The following SNHG17 variants were observed in gnomAD, a reference collection of about 807,000 sequenced individuals.
SNHG17 encodes small nucleolar RNA host gene 17 (non-protein coding).
intron 2 of SNHG17, chr20:38,433,712 G>A: frequency 6.8e-6 from 3 of 440,680 alleles, no homozygotes; most frequent in South Asian, 1.7e-5. Context: ...GGGGGCTGCA[G>A]CTGTGGTTTC....
chr20:38,426,818 C>T (rs1219820562), intron 3 of SNHG17, among the ~76,000 whole-genome samples: 5 of 150,694 alleles, frequency 3.3e-5, no homozygotes, highest in African/African-American at 4.9e-5. Context: ...AGAGAACAGG[C>T]GAAACTCTTG....
At chr20:38,430,419 C>T (rs896775478) in intron 3 of SNHG17, among the ~76,000 whole-genome samples, 4 of 151,988 alleles carry the variant, frequency 2.6e-5, no homozygotes, top group Non-Finnish European at 4.4e-5. Flanking sequence ...TGCCAGAGGT[C>T]AGGAGTTCGC....
At chr20:38,422,076 G>A (rs925800996) in intron 6 of SNHG17, 4 of 152,370 alleles carry the variant, frequency 2.6e-5, no homozygotes, top group Non-Finnish European at 4.4e-5. Context: ...CGGTTCCCCC[G>A]GGGAGCTCAC....
At chr20:38,424,588 G>C (rs2084214027) in intron 5 of SNHG17, among the ~76,000 whole-genome samples, 1 of 152,218 alleles carries the variant, frequency 6.6e-6, no homozygotes, top group African/African-American at 2.4e-5. Context: ...CTACATGTCA[G>C]TTACCAGGCA....
At chr20:38,432,522 A>G (rs551646843) in intron 2 of SNHG17, among the ~76,000 whole-genome samples, 2 of 152,034 alleles carry the variant, frequency 1.3e-5, no homozygotes, top group South Asian at 2.1e-4. Flanking sequence ...CACAATGACA[A>G]TCCTGTGGGG....
chr20:38,420,895 G>A (rs146327332), exon 8 of SNHG17: 1 of 152,318 alleles, frequency 6.6e-6, no homozygotes, highest in African/African-American at 2.4e-5. Context: ...ACACCACCAA[G>A]AGATTCTGAA....
chr20:38,426,643 C>T (rs2084253487), intron 3 of SNHG17: 1 of 151,058 alleles, frequency 6.6e-6, no homozygotes, highest in Admixed American at 6.6e-5. Flanking sequence ...CTTGGTCCTC[C>T]CTCTCTAGCT....
At chr20:38,430,628 T>A (rs984399914) in intron 3 of SNHG17, among the ~76,000 whole-genome samples, 6 of 151,870 alleles carry the variant, frequency 4.0e-5, no homozygotes, top group African/African-American at 1.5e-4. Flanking sequence ...TCTCAAAAAA[T>A]AAATAAATAA....
chr20:38,424,196 A>G (rs897097728), intron 5 of SNHG17, among the ~76,000 whole-genome samples: 5 of 148,774 alleles, frequency 3.4e-5, no homozygotes, highest in Non-Finnish European at 7.5e-5. Context: ...AAAAAAAAAG[A>G]AAAAAAGGAT....
chr20:38,426,997 C>CACACACAT (rs2084260435), intron 3 of SNHG17, among the ~76,000 whole-genome samples: 2 of 112,686 alleles, frequency 1.8e-5, no homozygotes, highest in East Asian at 4.7e-4. Context: ...GTTACACATA[C>CACACACAT]ACACACACAC....
chr20:38,430,402 G>C (rs781394187), intron 3 of SNHG17, among the ~76,000 whole-genome samples: 1 of 152,000 alleles, frequency 6.6e-6, no homozygotes, highest in Non-Finnish European at 1.5e-5. Context: ...GGCCAAGGCG[G>C]GTGGATTGCC....
chr20:38,425,012 C>T, intron 5 of SNHG17: 1 of 309,108 alleles, frequency 3.2e-6, no homozygotes, highest in South Asian at 2.7e-5. Flanking sequence ...TGAGGTGCCC[C>T]CATCCAGCCC....
intron 5 of SNHG17, chr20:38,425,044 GC>G (rs2084223311): frequency 2.9e-6 from 1 of 342,416 alleles, no homozygotes; most frequent in East Asian, 7.0e-5. Flanking sequence ...ACTGCTGACT[GC>G]CCTCAAGTTC....
chr20:38,431,972 C>T, intron 2 of SNHG17: 1 of 985,088 alleles, frequency 1.0e-6, no homozygotes, highest in Non-Finnish European at 1.2e-6. Context: ...GACACAAAGC[C>T]CCAGATCTCC....
intron 5 of SNHG17, among the ~76,000 whole-genome samples, chr20:38,423,096 A>T (rs1413253991): frequency 6.6e-6 from 1 of 151,746 alleles, no homozygotes; most frequent in Non-Finnish European, 1.5e-5. Context: ...CCATCTCAAA[A>T]AAAAAAAAGA....
intron 2 of SNHG17, chr20:38,432,176 G>A: frequency 3.0e-6 from 3 of 985,452 alleles, no homozygotes; most frequent in Non-Finnish European, 3.6e-6. Context: ...CCACCAGGTG[G>A]TAAACATTTC....
chr20:38,422,817 G>A (rs563293649), intron 5 of SNHG17, among the ~76,000 whole-genome samples: 5 of 152,124 alleles, frequency 3.3e-5, no homozygotes, highest in Admixed American at 6.5e-5. Context: ...TTGGCCAGGC[G>A]CGGTGGCTCA....
chr20:38,424,748 T>TC (rs1312060079), intron 5 of SNHG17, among the ~76,000 whole-genome samples: 1 of 151,788 alleles, frequency 6.6e-6, no homozygotes, highest in Non-Finnish European at 1.5e-5. Context: ...TGGGGGGAGC[T>TC]CTAGGAAGGG....
chr20:38,427,802 G>A (rs2084274856), intron 3 of SNHG17: 1 of 154,206 alleles, frequency 6.5e-6, no homozygotes, highest in Non-Finnish European at 1.4e-5. Flanking sequence ...CCGTTCACTG[G>A]ACACAGTCTC....
Sources: gnomAD v4.1 joint callset for allele counts (sites outside exome capture counted in the v4.1 genomes callset) on GRCh38, gnomAD v4.1.1 for gene constraint, MANE v1.5 for transcripts, NCBI Gene and HGNC (gene_info 2026-07-23, HGNC 2026-07-21) for gene names.